Variants in INTS4 observed in about 807,000 individuals in gnomAD.
INTS4 encodes integrator complex subunit 4.
In INTS4, 70 loss-of-function variants were observed where a neutral mutation model predicts 119.5. The observed-to-expected ratio is 0.59, with a 90% CI of 0.48 to 0.71. The LOEUF (loss-of-function observed/expected upper bound fraction) is 0.71, where lower values mean the gene tolerates loss of function less well. INTS4 is among the 30% of genes least tolerant of loss of function. The probability of loss-of-function intolerance (pLI) is 0.00; values close to 1 mark genes in which losing one functional copy is unlikely to be tolerated. For synonymous variants in INTS4, 316 were observed against 419.6 expected (o/e 0.75, Z 3.02); for missense variants, 867 against 1,173.2 (o/e 0.74, Z 3.81).
In INTS4 at chr11:77,981,467, T is replaced by G. The variant is rs749556001; in HGVS notation, c.356A>C (p.Gln119Pro). 6 of 1,494,882 alleles carry G rather than the reference T, an allele frequency of 4.0e-6. No homozygotes were observed. The East Asian group carries it at 7.3e-5, about 18-fold the overall frequency. The allele number at this position is 1,494,882 out of a possible 1,614,324, so 92.6% of individuals were successfully genotyped here. The stretch of plus-strand genomic sequence containing the variant: ...TTTAAATTGCAACTTACTTTCATTC[T>G]GCAGGATGTTGATGGCATCATCCAT... Reference protein sequence around the residue: ...CIMDDAINILQNEKSHQVLAQ... With the variant: ...CIMDDAINILPNEKSHQVLAQ... The change falls in exon 3 of 23, where the codon CAG becomes CCG. Residue 119 changes from glutamine to proline, a missense_variant. Coordinates refer to ENST00000534064, the MANE Select transcript of INTS4 (RefSeq NM_033547.4).
rs1954457414 is a variant in INTS4, at chr11:77,961,006, C to A, written c.604G>T (p.Asp202Tyr). ...AARDVQKIIG[D>Y]YFSDQDPRVR... is the part of the protein sequence containing the mutation. ...CGTGGGTCTTGGTCACTGAAGTAAT[C>A]CCCTATAATCTTCTGGACATCTCTG... Residue 202 changes from aspartate to tyrosine, a missense_variant, in exon 5 of 23, where the codon GAT becomes TAT. By Grantham distance (160) the Asp-to-Tyr change is radical. Transcript: ENST00000534064. The A allele has an allele frequency of 6.2e-7, 1 of 1,613,446 alleles. No individual in the cohort carries two copies. Among genetic ancestry groups the A allele is most frequent in the South Asian group, 1.1e-5 (1 of 90,938 alleles).
At chr11:77,944,503 C>A (rs866418136) in intron 8 of INTS4, among the ~76,000 whole-genome samples, 1 of 152,210 alleles carries the variant, frequency 6.6e-6, no homozygotes, top group East Asian at 1.9e-4. Context: ...CTCCAAGAAG[C>A]CTTCTGTGGT....
intron 8 of INTS4, among the ~76,000 whole-genome samples, chr11:77,952,451 G>A (rs1954218794): frequency 6.6e-6 from 1 of 152,192 alleles, no homozygotes; most frequent in South Asian, 2.1e-4. Context: ...GTATGCAAAT[G>A]AGTTAGGCAT....
At chr11:77,893,242 T>C (rs1388544356) in intron 19 of INTS4, among the ~76,000 whole-genome samples, 2 of 152,242 alleles carry the variant, frequency 1.3e-5, no homozygotes, top group Non-Finnish European at 2.9e-5. Flanking sequence ...AAAATACATG[T>C]ATTCTACAAA....
intron 8 of INTS4, among the ~76,000 whole-genome samples, chr11:77,952,176 G>A (rs1954212417): frequency 6.6e-6 from 1 of 152,194 alleles, no homozygotes; most frequent in South Asian, 2.1e-4. Flanking sequence ...GAGAGCTGGA[G>A]TAGAGCAGCT....
intron 2 of INTS4, among the ~76,000 whole-genome samples, chr11:77,983,323 C>T (rs987726978): frequency 3.9e-5 from 6 of 152,046 alleles, no homozygotes; most frequent in African/African-American, 9.7e-5. Context: ...ACTATGTTGC[C>T]GGTTTGGTTT....
chr11:77,937,818 T>C, intron 10 of INTS4, among the ~76,000 whole-genome samples: 1 of 8,214 alleles, frequency 1.2e-4, no homozygotes, highest in East Asian at 3.4e-3. Flanking sequence ...TATCTTTCTG[T>C]ATTTATTTAT....
chr11:77,932,895 A>C (rs1000803966), intron 10 of INTS4, among the ~76,000 whole-genome samples: 48 of 135,514 alleles, frequency 3.5e-4, no homozygotes, highest in African/African-American at 1.2e-3. Context: ...CATAAGTGGG[A>C]GGTGAACAAT....
intron 4 of INTS4, among the ~76,000 whole-genome samples, chr11:77,965,213 A>G (rs970508356): frequency 3.9e-5 from 6 of 152,106 alleles, no homozygotes; most frequent in African/African-American, 1.2e-4. Context: ...CACCATGCCC[A>G]GCTACTTTTT....
chr11:77,933,998 T>A (rs1953730071), intron 10 of INTS4, among the ~76,000 whole-genome samples: 2 of 152,106 alleles, frequency 1.3e-5, no homozygotes, highest in African/African-American at 4.8e-5. Context: ...TGTTGCTGTG[T>A]CTGTGTAGAG....
intron 9 of INTS4, among the ~76,000 whole-genome samples, chr11:77,940,705 C>T (rs186577621): frequency 0.014 from 2,144 of 152,186 alleles, 25 homozygotes; most frequent in Non-Finnish European, 0.024. Context: ...GGTGCGATCT[C>T]GGCTCACTGC....
intron 10 of INTS4, among the ~76,000 whole-genome samples, chr11:77,937,441 T>C (rs898487912): frequency 1.6e-4 from 24 of 152,062 alleles, no homozygotes; most frequent in African/African-American, 5.8e-4. Flanking sequence ...TATGGAGCAA[T>C]ATCATTAAAA....
chr11:77,911,839 G>C (rs960225546), intron 15 of INTS4, among the ~76,000 whole-genome samples: 1 of 152,050 alleles, frequency 6.6e-6, no homozygotes, highest in Non-Finnish European at 1.5e-5. Flanking sequence ...AATATGAATT[G>C]CAATTAATCC....
At chr11:77,971,569 G>A (rs1448780002) in intron 4 of INTS4, among the ~76,000 whole-genome samples, 2 of 152,052 alleles carry the variant, frequency 1.3e-5, no homozygotes, top group East Asian at 3.9e-4. Flanking sequence ...GAACCTGGGA[G>A]GCAGAGGTTG....
intron 14 of INTS4, among the ~76,000 whole-genome samples, chr11:77,919,435 C>T (rs575021614): frequency 1.3e-5 from 2 of 152,076 alleles, no homozygotes; most frequent in South Asian, 2.1e-4. Context: ...TAGAGGTGGC[C>T]GCCCCCACAC....
At chr11:77,886,887 T>C (rs1463827494) in intron 21 of INTS4, among the ~76,000 whole-genome samples, 1 of 152,012 alleles carries the variant, frequency 6.6e-6, no homozygotes, top group Non-Finnish European at 1.5e-5. Context: ...ATAAAGATAT[T>C]CTTTGAAACC....
Position 77,927,108 on chromosome 11 carries a change from T to C in INTS4, c.1371+1234A>G, listed in dbSNP as rs1245477519. Among the ~76,000 whole-genome samples, 4 of 151,950 alleles carry C rather than the reference T, an allele frequency of 2.6e-5. No homozygotes were observed. The East Asian group carries it at 5.8e-4, about 22-fold the overall frequency. On this transcript the variant is annotated intron_variant, in intron 11 of 22. Transcript: ENST00000534064. Reference sequence around the variant, plus strand: ...TTGCAAACTGTGGGGGAAAATTACATTGAAGGTAAAATTGTGAGGAAAAGC... The same window carrying C: ...TTGCAAACTGTGGGGGAAAATTACACTGAAGGTAAAATTGTGAGGAAAAGC...
At chr11:77,898,879 G>A (rs987318423) in intron 18 of INTS4, among the ~76,000 whole-genome samples, 2 of 152,096 alleles carry the variant, frequency 1.3e-5, no homozygotes, top group African/African-American at 2.4e-5. Flanking sequence ...AATTAGCTGA[G>A]TGTGGTGACA....
At chr11:77,971,778 A>G (rs1565282441) in intron 4 of INTS4, among the ~76,000 whole-genome samples, 2 of 152,130 alleles carry the variant, frequency 1.3e-5, no homozygotes, top group Non-Finnish European at 2.9e-5. Context: ...GTGAAACCCA[A>G]TTTATTTACT....
Sources: gnomAD v4.1 joint callset for allele counts (sites outside exome capture counted in the v4.1 genomes callset) on GRCh38, gnomAD v4.1.1 for gene constraint, MANE v1.5 for transcripts, NCBI Gene and HGNC (gene_info 2026-07-23, HGNC 2026-07-21) for gene names.